Variants in PES1 observed in about 807,000 individuals in gnomAD.
PES1 encodes the protein pescadillo ribosomal biogenesis factor 1, also known as pescadillo homolog.
A neutral mutation model predicts 77.1 loss-of-function variants in PES1; 31 were observed. That is an observed-to-expected ratio of 0.40 (90% CI 0.30 to 0.54). The LOEUF (loss-of-function observed/expected upper bound fraction) is 0.54, where lower values mean the gene tolerates loss of function less well. PES1 is among the 20% of genes least tolerant of loss of function. The probability of loss-of-function intolerance (pLI) is 0.45; values close to 1 mark genes in which losing one functional copy is unlikely to be tolerated. For missense variants in PES1, 658 were observed against 771.7 expected, an observed-to-expected ratio of 0.85 and a Z score of 1.75; for synonymous variants, 282 against 303.0, an observed-to-expected ratio of 0.93 and a Z score of 0.72.
chr22:30,580,747 C>T (rs753123216), intron 9 of PES1, 46 bp from the exon 10 acceptor site: 4 of 1,609,262 alleles, frequency 2.5e-6, no homozygotes, highest in Non-Finnish European at 2.5e-6. Flanking sequence ...GCTGCCCACC[C>T]CCACTGGAGG....
chr22:30,603,542 C>G (rs556965941), intron 2 of PES1, among the ~76,000 whole-genome samples: 1 of 151,898 alleles, frequency 6.6e-6, no homozygotes, highest in African/African-American at 2.4e-5. Flanking sequence ...CCACCATGCC[C>G]GGCTAATTTT....
intron 4 of PES1, 40 bp from the exon 5 acceptor site, chr22:30,584,757 G>A (rs368427109): frequency 1.5e-5 from 24 of 1,604,668 alleles, no homozygotes; most frequent in African/African-American, 9.4e-5. Context: ...CCTGTTCAGC[G>A]TGGGTGCCAA....
Position 30,589,220 on chromosome 22 carries a change from C to A in PES1, c.75G>T (p.Lys25Asn). The change falls in exon 2 of 15, where the codon AAG becomes AAT. Residue 25 changes from lysine to asparagine, a missense_variant. Physicochemically the swap from Lys to Asn is moderately conservative, Grantham distance 94. Transcript: ENST00000354694. Reference protein sequence around the residue: ...TNYITRNKARKKLQLSLADFR... With the variant: ...TNYITRNKARNKLQLSLADFR... ...AGTCAGCCAAGCTCAGCTGGAGCTT[C>A]TTCCGGGCTTTGTTCCGGGTGATGT... is the stretch of plus-strand genomic sequence containing the variant. The A allele has an allele frequency of 6.2e-7, 1 of 1,614,074 alleles. No homozygotes were observed. The highest frequency in any genetic ancestry group is 8.5e-7 in the Non-Finnish European group (1 of 1,179,984).
rs2087118100 is a variant in PES1, at chr22:30,588,029, C to G, written c.250G>C (p.Glu84Gln). 6.2e-7 allele frequency: 1 copy of G among 1,613,820 alleles called. No homozygotes were observed. The highest frequency in any genetic ancestry group is 8.5e-7 in the Non-Finnish European group (1 of 1,180,018). The change falls in exon 3 of 15, where the codon GAA becomes CAA. Residue 84 changes from glutamate (E) to glutamine (Q), a missense_variant. Transcript: ENST00000354694. ...TAGAGCCCAGACCTCACCTTGTATT[C>G]ACGGAACTTGTTGACAATGGGTTCG... is the stretch of plus-strand genomic sequence containing the variant. Reference protein sequence around the residue: ...LHEPIVNKFREYKVFVRKLRK... With the variant: ...LHEPIVNKFRQYKVFVRKLRK...
upstream of PES1, among the ~76,000 whole-genome samples, chr22:30,596,228 T>C (rs1209445318): frequency 1.3e-5 from 2 of 152,222 alleles, no homozygotes; most frequent in Non-Finnish European, 2.9e-5. Flanking sequence ...ATAAAACTCT[T>C]TACAGTGTTA....
rs566540851 is a variant in PES1, at chr22:30,579,739, C to G, written c.1354+12G>C. ...CCAGGGGTCAAGGCCAGCCCAGTCC[C>G]ATCCCGCTCACCTGGGTCCTCTCCC... On this transcript the variant is annotated intron_variant, in intron 12 of 14. Transcript: ENST00000354694. 4.6e-5 allele frequency: 75 copies of G among 1,613,084 alleles called. No individual in the cohort carries two copies. In the South Asian group the frequency reaches 7.5e-4, roughly 16 times the overall value.
intron 2 of PES1, among the ~76,000 whole-genome samples, chr22:30,602,102 G>A (rs1426104497): frequency 6.6e-6 from 1 of 151,490 alleles, no homozygotes. Context: ...TTCTGATGTG[G>A]TTTGGCTCTG....
chr22:30,587,191 G>C, intron 4 of PES1, 95 bp downstream of exon 4: 3 of 879,148 alleles, frequency 3.4e-6, no homozygotes, highest in Non-Finnish European at 5.5e-6. Flanking sequence ...CTTTGAGCAG[G>C]GTCTTGGTCT....
rs368918301 is a variant in PES1 at position 30,603,570 on chromosome 22, C to G, written c.-661+1891G>C. Among the ~76,000 whole-genome samples, 193 of 151,842 alleles carry G rather than the reference C, an allele frequency of 1.3e-3. 1 individual carries two copies. In the South Asian group the frequency reaches 0.013, roughly 10 times the overall value. ...CTAATTTTTGTATTTTTAGTAGAGA[C>G]TGGATTTCACCCTGTTGGTCAGGCT... On this transcript the variant is annotated intron_variant, in intron 2 of 16. Coordinates refer to the PES1 transcript ENST00000402281.
chr22:30,591,804 A>T lies in PES1; in HGVS notation c.24+6T>A. ...CTCGGGAATCCCCACCGTCTTTCCC[A>T]ATCACCTTCTTCTTCTCAAGGCCTC... On this transcript the variant is annotated splice_donor_region_variant and intron_variant, in intron 1 of 14. Transcript: ENST00000354694. 1 of 1,556,788 alleles carries T rather than the reference A, an allele frequency of 6.4e-7. No homozygotes were observed.
intron 2 of PES1, among the ~76,000 whole-genome samples, chr22:30,603,206 C>T (rs745538101): frequency 2.0e-5 from 3 of 151,330 alleles, no homozygotes; most frequent in Non-Finnish European, 3.0e-5. Context: ...CCACTGCGCC[C>T]AGCCACTTGA....
chr22:30,580,845 C>T, intron 9 of PES1, 144 bp from the exon 10 acceptor site: 5 of 1,316,556 alleles, frequency 3.8e-6, no homozygotes, highest in Non-Finnish European at 5.3e-6. Context: ...CACTCCTGAG[C>T]TCTGTTGCCT....
intron 9 of PES1, 53 bp downstream of exon 9, chr22:30,580,959 C>T: frequency 6.8e-7 from 1 of 1,477,058 alleles, no homozygotes; most frequent in East Asian, 2.3e-5. Context: ...AGCTGGGAAA[C>T]CCCCCACACG....
rs1055582251 is a variant in PES1 at position 30,579,037 on chromosome 22, C to G, written c.1522-39G>C. 9.3e-6 allele frequency: 15 copies of G among 1,604,558 alleles called. No homozygotes were observed. The Admixed American group carries it at 1.2e-4, about 12-fold the overall frequency. On this transcript the variant is annotated intron_variant, in intron 13 of 14. Transcript: ENST00000354694. ...GAGGGTGCTTATGGGGGCAGGTTCT[C>G]CCGACCTCCACAGTCCTCTGGCTCC...
Position 30,584,728 on chromosome 22 carries a change from A to G in PES1, c.369-11T>C, listed in dbSNP as rs772948783. ...ATGAACGTGGGATACCTGCATGGCC[A>G]GTGAGGCAGCACATGGGGCCTGTTC... is the stretch of plus-strand genomic sequence containing the variant. On this transcript the variant is annotated splice_polypyrimidine_tract_variant and intron_variant, in intron 4 of 14. Coordinates refer to ENST00000354694, the MANE Select transcript of PES1 (RefSeq NM_014303.4). The G allele has an allele frequency of 5.6e-6, 9 of 1,612,888 alleles. No homozygotes were observed. The highest frequency in any genetic ancestry group is 1.1e-5 in the South Asian group (1 of 91,046).
upstream of PES1, chr22:30,592,156 A>G (rs1335012591): frequency 2.6e-6 from 3 of 1,148,072 alleles, no homozygotes; most frequent in Non-Finnish European, 3.2e-6. Context: ...ATTGACTGTG[A>G]GCCTCGTTGC....
intron 9 of PES1, 123 bp downstream of exon 9, chr22:30,580,889 C>G: frequency 8.5e-7 from 1 of 1,180,116 alleles, no homozygotes; most frequent in Non-Finnish European, 1.2e-6. Flanking sequence ...TCAGCCCATT[C>G]TTCTGCTCAG....
intron 8 of PES1, 84 bp downstream of exon 8, chr22:30,581,250 C>A: frequency 6.8e-7 from 1 of 1,473,556 alleles, no homozygotes; most frequent in Non-Finnish European, 9.4e-7. Context: ...TAACCACCCC[C>A]ACTCTGAACC....
At chr22:30,597,682 C>G (rs993577369) in intron 2 of PES1, among the ~76,000 whole-genome samples, 1 of 151,602 alleles carries the variant, frequency 6.6e-6, no homozygotes, top group African/African-American at 2.4e-5. Context: ...ACTTTTGTGT[C>G]TAGCACAGGG....
Sources: gnomAD v4.1 joint callset for allele counts (sites outside exome capture counted in the v4.1 genomes callset) on GRCh38, gnomAD v4.1.1 for gene constraint, MANE v1.5 for transcripts, NCBI Gene and HGNC (gene_info 2026-07-23, HGNC 2026-07-21) for gene names.